Variants in TNFRSF19 observed in about 807,000 individuals in gnomAD.
The protein encoded by TNFRSF19 is tumor necrosis factor receptor superfamily member 19.
In TNFRSF19, 27 loss-of-function variants were observed where a neutral mutation model predicts 46.4. The observed-to-expected ratio is 0.58, with a 90% CI of 0.43 to 0.80. TNFRSF19 has a LOEUF of 0.80. Among genes scored for constraint, TNFRSF19 ranks in the 30% least tolerant of loss-of-function variants. The pLI, the probability that TNFRSF19 is intolerant of heterozygous loss-of-function variation, is 0.00. For missense variants in TNFRSF19, 511 were observed against 530.8 expected (o/e 0.96, Z 0.37); for synonymous variants, 204 against 205.0 (o/e 1.00, Z 0.04).
At chr13:23,582,146 C>T (rs1213097887) in intron 1 of TNFRSF19, among the ~76,000 whole-genome samples, 2 of 149,932 alleles carry the variant, frequency 1.3e-5, no homozygotes, top group African/African-American at 2.5e-5. Flanking sequence ...TTTGGGAGGC[C>T]GAGGCGGGCG....
Position 23,649,690 on chromosome 13 carries a change from T to C in TNFRSF19, c.446-9360T>C, listed in dbSNP as rs184652494. Among the ~76,000 whole-genome samples, 6 of 152,290 alleles carry C rather than the reference T, an allele frequency of 3.9e-5. No individual in the cohort carries two copies. In the South Asian group the frequency reaches 1.0e-3, roughly 26 times the overall value. ...CTTTTTTAATGTAGGAATTTATTGATACAGATTTCCCTCTGAGCACTGCTT... is the reference window on the plus strand; with the variant it reads ...CTTTTTTAATGTAGGAATTTATTGACACAGATTTCCCTCTGAGCACTGCTT... On this transcript the variant is annotated intron_variant, in intron 5 of 9. Coordinates refer to ENST00000248484, the MANE Select transcript of TNFRSF19 (RefSeq NM_148957.4).
chr13:23,660,441 T>C lies in TNFRSF19; in HGVS notation c.687T>C (p.Tyr229=), dbSNP rs1317978817. 1 of 1,613,798 alleles carries C rather than the reference T, an allele frequency of 6.2e-7. No homozygotes were observed. Among genetic ancestry groups the C allele is most frequent in the Admixed American group, 1.7e-5 (1 of 60,012 alleles). Residue 229 remains tyrosine (Y), a synonymous_variant, in exon 7 of 10, where the codon TAT becomes TAC. Coordinates refer to ENST00000248484, the MANE Select transcript of TNFRSF19 (RefSeq NM_148957.4). ...TTGACAGACCTCAGCTCCACGAATA[T>C]GCCCACAGAGCCTGCTGCCAGTGCC... is the stretch of plus-strand genomic sequence containing the variant. ...SCFDRPQLHE[Y]AHRACCQCRR...
chr13:23,670,000 C>T (rs1951731406), intron 9 of TNFRSF19, among the ~76,000 whole-genome samples: 1 of 152,168 alleles, frequency 6.6e-6, no homozygotes, highest in African/African-American at 2.4e-5. Flanking sequence ...TCCCTCCCTG[C>T]CCCAGATCAG....
chr13:23,660,063 T>G (rs1884257923), intron 6 of TNFRSF19, among the ~76,000 whole-genome samples: 2 of 152,156 alleles, frequency 1.3e-5, no homozygotes, highest in South Asian at 4.1e-4. Flanking sequence ...AAACCCGTGT[T>G]GCTTAAGGGT....
chr13:23,657,442 T>C (rs530084837), intron 5 of TNFRSF19, among the ~76,000 whole-genome samples: 2 of 152,246 alleles, frequency 1.3e-5, no homozygotes, highest in Admixed American at 6.5e-5. Context: ...CTTCAATCTC[T>C]AGAGTTGCAG....
At chr13:23,581,420 A>G (rs1191072635) in intron 1 of TNFRSF19, among the ~76,000 whole-genome samples, 1 of 151,852 alleles carries the variant, frequency 6.6e-6, no homozygotes, top group Non-Finnish European at 1.5e-5. Flanking sequence ...TGCTGGGATT[A>G]CAGGCCTGAG....
Position 23,659,122 on chromosome 13 carries a change from T to C in TNFRSF19, c.518T>C (p.Val173Ala). ...SSPRDTALAAVICSALATVLL... is the reference protein window; with the variant it reads ...SSPRDTALAAAICSALATVLL... ...CCACGGGACACGGCGCTGGCTGCCGTTATCTGCAGCGCTCTGGCCACCGTC... is the reference window on the plus strand; with the variant it reads ...CCACGGGACACGGCGCTGGCTGCCGCTATCTGCAGCGCTCTGGCCACCGTC... Residue 173 changes from valine (V) to alanine (A), a missense_variant, in exon 6 of 10, where the codon GTT (valine) becomes GCT (alanine). Physicochemically the swap from Val to Ala is moderately conservative, Grantham distance 64 (BLOSUM62 0). This residue lies in a region of TNFRSF19 where 376 missense variants were observed against 372.7 expected (regional missense o/e 1.01). Coordinates refer to ENST00000248484, the MANE Select transcript of TNFRSF19 (RefSeq NM_148957.4). The surrounding 1 kb of genome is among the most constrained non-coding windows in gnomAD (Gnocchi z 4.9). The C allele has an allele frequency of 6.2e-7, 1 of 1,614,078 alleles. No individual in the cohort carries two copies. The highest frequency in any genetic ancestry group is 8.5e-7 in the Non-Finnish European group (1 of 1,180,032).
In TNFRSF19 at chr13:23,673,490, A is replaced by G. The variant is rs564793194; in HGVS notation, c.*110A>G. 4 of 1,411,704 alleles carry G rather than the reference A, an allele frequency of 2.8e-6. No individual in the cohort carries two copies. In the South Asian group the frequency reaches 7.1e-5, roughly 25 times the overall value. The allele number at this position is 1,411,704 out of a possible 1,614,324, so 87.4% of individuals were successfully genotyped here. On this transcript the variant is annotated 3_prime_UTR_variant, in exon 10 of 10. Coordinates refer to ENST00000248484, the MANE Select transcript of TNFRSF19 (RefSeq NM_148957.4). Reference sequence around the variant, plus strand: ...ACCTTGCATGGCTTCTGGGGCAAAAATAAATCTGAACCAAACTGACGGCAT... The same window carrying G: ...ACCTTGCATGGCTTCTGGGGCAAAAGTAAATCTGAACCAAACTGACGGCAT...
chr13:23,661,635 T>C (rs1314250962), intron 7 of TNFRSF19, among the ~76,000 whole-genome samples: 1 of 152,232 alleles, frequency 6.6e-6, no homozygotes, highest in East Asian at 1.9e-4. Flanking sequence ...TCTACAATGG[T>C]TGAACTAATT....
intron 3 of TNFRSF19, among the ~76,000 whole-genome samples, chr13:23,612,623 G>C (rs988386464): frequency 2.0e-5 from 3 of 152,076 alleles, no homozygotes; most frequent in African/African-American, 4.8e-5. Context: ...TTTTTTAATA[G>C]TTTCAAATTA....
chr13:23,640,334 C>T (rs746050483), intron 5 of TNFRSF19, among the ~76,000 whole-genome samples: 4 of 152,318 alleles, frequency 2.6e-5, no homozygotes, highest in Middle Eastern at 3.4e-3. Flanking sequence ...ATGTAGCTAG[C>T]TGTGTTGATG....
chr13:23,593,586 T>C (rs1445561502), intron 3 of TNFRSF19, 131 bp downstream of exon 3: 1 of 672,360 alleles, frequency 1.5e-6, no homozygotes, highest in East Asian at 2.9e-5. Context: ...TATGTCACTT[T>C]AGCCAAATAT....
At chr13:23,647,503 A>C (rs921695327) in intron 5 of TNFRSF19, among the ~76,000 whole-genome samples, 16 of 152,150 alleles carry the variant, frequency 1.1e-4, no homozygotes, top group African/African-American at 3.4e-4. Flanking sequence ...CCTGAGCTCA[A>C]ATGATCCTCC....
chr13:23,620,884 C>T (rs1881604536), intron 4 of TNFRSF19, among the ~76,000 whole-genome samples: 1 of 152,318 alleles, frequency 6.6e-6, no homozygotes, highest in South Asian at 2.1e-4. Context: ...TGAGCACTTA[C>T]TATCATCCGA....
intron 5 of TNFRSF19, among the ~76,000 whole-genome samples, chr13:23,631,847 T>C (rs1484242816): frequency 6.6e-6 from 1 of 152,164 alleles, no homozygotes; most frequent in African/African-American, 2.4e-5. Context: ...AACCAAACCA[T>C]GGAGTTAAGA....
intron 5 of TNFRSF19, 83 bp from the exon 6 acceptor site, chr13:23,658,967 T>C: frequency 1.3e-6 from 2 of 1,579,250 alleles, no homozygotes; most frequent in Non-Finnish European, 8.6e-7. Flanking sequence ...GGAAGGCCAC[T>C]GGTAAGGGTG....
intron 2 of TNFRSF19, among the ~76,000 whole-genome samples, chr13:23,592,669 C>T (rs969352876): frequency 6.6e-6 from 1 of 152,154 alleles, no homozygotes; most frequent in Non-Finnish European, 1.5e-5. Context: ...GCCACTACTG[C>T]CATCTTTATC....
chr13:23,662,611 G>A (rs930134902), intron 7 of TNFRSF19, among the ~76,000 whole-genome samples: 1 of 152,104 alleles, frequency 6.6e-6, no homozygotes, highest in African/African-American at 2.4e-5. Flanking sequence ...CTGTACATTT[G>A]TTTGGGCAGT....
intron 5 of TNFRSF19, among the ~76,000 whole-genome samples, chr13:23,647,289 G>A (rs528506813): frequency 6.6e-6 from 1 of 152,238 alleles, no homozygotes; most frequent in South Asian, 2.1e-4. Context: ...TTTTTATAAA[G>A]TCCGATGTAT....
Sources: allele counts gnomAD v4.1 joint callset (sites outside exome capture counted in the v4.1 genomes callset), GRCh38; gene constraint gnomAD v4.1.1; regional missense constraint gnomAD v4.1.1; non-coding constraint Gnocchi (gnomAD v3.1); transcripts MANE v1.5; gene names NCBI Gene and HGNC (gene_info 2026-07-23, HGNC 2026-07-21).